The following DCC variants were observed in gnomAD, a reference collection of about 807,000 sequenced individuals.
DCC encodes netrin receptor DCC.
In DCC, 58 loss-of-function variants were observed where a neutral mutation model predicts 172.5. The observed-to-expected ratio is 0.34, with a 90% CI of 0.27 to 0.42. The LOEUF (loss-of-function observed/expected upper bound fraction) is 0.42, where lower values mean the gene tolerates loss of function less well. DCC is among the 10% of genes least tolerant of loss of function. DCC has a pLI of 1.00. For missense variants in DCC, 1,740 were observed against 1,791.0 expected, an observed-to-expected ratio of 0.97 and a Z score of 0.51; for synonymous variants, 709 against 644.5, an observed-to-expected ratio of 1.10 and a Z score of -1.52.
chr18:52,475,606 A>G (rs1287458158), intron 1 of DCC, among the ~76,000 whole-genome samples: 1 of 152,126 alleles, frequency 6.6e-6, no homozygotes, highest in Non-Finnish European at 1.5e-5. Flanking sequence ...TCTACCAACC[A>G]CCTAAGACAG....
intron 2 of DCC, among the ~76,000 whole-genome samples, chr18:52,892,739 A>G (rs10515957): frequency 0.02 from 3,055 of 152,254 alleles, 80 homozygotes; most frequent in African/African-American, 0.055. Flanking sequence ...TGATTTTTTC[A>G]GAGTCTCAGT....
chr18:52,638,657 C>T (rs1305415566), intron 1 of DCC, among the ~76,000 whole-genome samples: 1 of 152,090 alleles, frequency 6.6e-6, no homozygotes, highest in Non-Finnish European at 1.5e-5. Flanking sequence ...GCACCTAACA[C>T]ACTGGAGCTC....
chr18:52,780,428 C>T (rs2037516773), intron 2 of DCC, among the ~76,000 whole-genome samples: 1 of 151,924 alleles, frequency 6.6e-6, no homozygotes, highest in African/African-American at 2.4e-5. Context: ...TAATATTTTC[C>T]TCATCATAGC....
intron 12 of DCC, among the ~76,000 whole-genome samples, chr18:53,283,362 A>AT (rs1256694237): frequency 2.6e-5 from 4 of 151,868 alleles, no homozygotes; most frequent in African/African-American, 7.3e-5. Flanking sequence ...CATTTTCTTC[A>AT]TTTTTTCTTC....
chr18:53,258,769 T>C (rs1371466116), intron 12 of DCC, among the ~76,000 whole-genome samples: 1 of 152,218 alleles, frequency 6.6e-6, no homozygotes, highest in Non-Finnish European at 1.5e-5. Flanking sequence ...GATATCCTTT[T>C]TAACTTTCTG....
chr18:52,883,323 AT>A (rs200552057), intron 2 of DCC, among the ~76,000 whole-genome samples: 95 of 116,564 alleles, frequency 8.2e-4, no homozygotes, highest in African/African-American at 3.1e-3. Context: ...TTTTTATTTT[AT>A]TTTTTATTTA....
intron 14 of DCC, among the ~76,000 whole-genome samples, chr18:53,333,658 T>C (rs951809272): frequency 9.9e-5 from 15 of 152,168 alleles, no homozygotes; most frequent in African/African-American, 3.6e-4. Context: ...GAGAGATCAT[T>C]TATGGCCTTT....
intron 5 of DCC, among the ~76,000 whole-genome samples, chr18:53,000,235 C>T (rs1363908366): frequency 6.6e-6 from 1 of 152,022 alleles, no homozygotes; most frequent in East Asian, 1.9e-4. Context: ...AGTTCAGGTT[C>T]TTATTTCTAG....
chr18:52,865,012 C>T (rs2039199690), intron 2 of DCC, among the ~76,000 whole-genome samples: 1 of 152,024 alleles, frequency 6.6e-6, no homozygotes, highest in Non-Finnish European at 1.5e-5. Flanking sequence ...ACTACAGGTG[C>T]CTGCCACCAC....
intron 5 of DCC, among the ~76,000 whole-genome samples, chr18:53,027,876 G>A (rs1177021201): frequency 6.6e-6 from 1 of 151,964 alleles, no homozygotes; most frequent in East Asian, 1.9e-4. Context: ...GGAGACAGTG[G>A]CATTATAAAG....
At chr18:52,788,196 C>T (rs2037693536) in intron 2 of DCC, among the ~76,000 whole-genome samples, 2 of 152,170 alleles carry the variant, frequency 1.3e-5, no homozygotes, top group Admixed American at 1.3e-4. Flanking sequence ...TCCCTCATCC[C>T]TGGGCAAAAT....
intron 1 of DCC, among the ~76,000 whole-genome samples, chr18:52,390,979 A>G (rs1312539168): frequency 6.6e-6 from 1 of 152,046 alleles, no homozygotes; most frequent in East Asian, 1.9e-4. Context: ...CTTGCCTTTC[A>G]CATCTATGTA....
intron 14 of DCC, among the ~76,000 whole-genome samples, chr18:53,329,957 G>GT (rs1214572008): frequency 6.6e-6 from 1 of 152,168 alleles, no homozygotes; most frequent in African/African-American, 2.4e-5. Context: ...TCAAGCTGCA[G>GT]ATTAGTTACT....
intron 12 of DCC, among the ~76,000 whole-genome samples, chr18:53,227,815 T>C (rs1186544793): frequency 6.6e-6 from 1 of 152,148 alleles, no homozygotes; most frequent in Non-Finnish European, 1.5e-5. Context: ...ATTTCTCATC[T>C]TTCAGAGGAG....
At chr18:53,524,010 T>C (rs982237057) in intron 27 of DCC, among the ~76,000 whole-genome samples, 1 of 151,948 alleles carries the variant, frequency 6.6e-6, no homozygotes, top group Non-Finnish European at 1.5e-5. Flanking sequence ...ATTGAGGAGA[T>C]GTTGGTCAAA....
chr18:52,720,137 A>G (rs1568062661), intron 1 of DCC, among the ~76,000 whole-genome samples: 1 of 152,244 alleles, frequency 6.6e-6, no homozygotes, highest in Non-Finnish European at 1.5e-5. Flanking sequence ...TTAGAAACAT[A>G]TTCCTGCTAC....
intron 1 of DCC, among the ~76,000 whole-genome samples, chr18:52,700,201 T>TACACACATGCACATGTGC (rs144670638): frequency 1.4e-5 from 2 of 141,298 alleles, no homozygotes; most frequent in Admixed American, 1.4e-4. Context: ...CACACGCACA[T>TACACACATGCACATGTGC]ACACACATGC....
chr18:52,789,100 T>C (rs1424685548), intron 2 of DCC, among the ~76,000 whole-genome samples: 41 of 152,142 alleles, frequency 2.7e-4, no homozygotes, highest in Admixed American at 2.7e-3. Context: ...GTTTTCTCTC[T>C]AGTTATTCCC....
At chr18:53,203,759 T>C (rs2144545490) in intron 9 of DCC, among the ~76,000 whole-genome samples, 1 of 152,270 alleles carries the variant, frequency 6.6e-6, no homozygotes, top group East Asian at 1.9e-4. Flanking sequence ...CAAAGCTAGG[T>C]GTTATCCAAG....
Sources: gnomAD v4.1 joint callset for allele counts (sites outside exome capture counted in the v4.1 genomes callset) on GRCh38, gnomAD v4.1.1 for gene constraint, MANE v1.5 for transcripts, NCBI Gene and HGNC (gene_info 2026-07-23, HGNC 2026-07-21) for gene names.